The following SUGCT variants were observed in gnomAD, a reference collection of about 807,000 sequenced individuals.
SUGCT encodes succinyl-CoA:glutarate CoA-transferase.
In SUGCT, 41 loss-of-function variants were observed where a neutral mutation model predicts 55.0. The ratio of observed to expected loss-of-function variants is 0.74; its 90% CI spans 0.58 to 0.97. The LOEUF (loss-of-function observed/expected upper bound fraction) is 0.97. SUGCT is among the 50% of genes least tolerant of loss of function. SUGCT has a pLI of 0.00. For missense variants in SUGCT, 568 were observed against 547.8 expected, an observed-to-expected ratio of 1.04 and a Z score of -0.37; for synonymous variants, 187 against 200.4, an observed-to-expected ratio of 0.93 and a Z score of 0.56.
At chr7:40,886,890 A>G in the SUGCT span, among the ~76,000 whole-genome samples, 1 of 152,238 alleles carries the variant, frequency 6.6e-6, no homozygotes, top group South Asian at 2.1e-4. Context: ...GGGTACTGCC[A>G]GGGAAAATAA....
At chr7:40,558,456 G>A (rs561356510) in intron 12 of SUGCT, among the ~76,000 whole-genome samples, 3 of 152,214 alleles carry the variant, frequency 2.0e-5, no homozygotes, top group African/African-American at 7.2e-5. Flanking sequence ...GATATATTTT[G>A]CAGTGTATGG....
chr7:40,251,057 C>T (rs951362941), intron 7 of SUGCT, among the ~76,000 whole-genome samples: 5 of 152,002 alleles, frequency 3.3e-5, no homozygotes, highest in Non-Finnish European at 5.9e-5. Context: ...TCTCGAACCC[C>T]TGACCTTGTG....
chr7:40,338,237 T>G (rs1264699922), intron 9 of SUGCT, among the ~76,000 whole-genome samples: 1 of 152,132 alleles, frequency 6.6e-6, no homozygotes, highest in Non-Finnish European at 1.5e-5. Flanking sequence ...TTGGAGTGCT[T>G]TTCTCGAGGA....
At chr7:40,233,106 T>G (rs1451803534) in intron 6 of SUGCT, among the ~76,000 whole-genome samples, 1 of 152,108 alleles carries the variant, frequency 6.6e-6, no homozygotes, top group Non-Finnish European at 1.5e-5. Context: ...TATTTATTTA[T>G]TCTCATAAAA....
At chr7:40,613,332 G>T (rs1326730281) in intron 12 of SUGCT, among the ~76,000 whole-genome samples, 1 of 152,124 alleles carries the variant, frequency 6.6e-6, no homozygotes, top group African/African-American at 2.4e-5. Context: ...CTAATGATCT[G>T]CATGGCCACA....
At chr7:40,613,188 T>C (rs1336431356) in intron 12 of SUGCT, among the ~76,000 whole-genome samples, 1 of 152,120 alleles carries the variant, frequency 6.6e-6, no homozygotes, top group Non-Finnish European at 1.5e-5. Flanking sequence ...AGACTCCCCC[T>C]GAGAGTCTGT....
Position 40,759,038 on chromosome 7 carries a change from G to A in SUGCT, c.1153+9541G>A, listed in dbSNP as rs141192450. 2.8e-3 allele frequency among the ~76,000 whole-genome samples: 425 copies of A among 152,226 alleles called. 2 individuals carry two copies. Among genetic ancestry groups the A allele is most frequent in the African/African-American group, 9.6e-3 (399 of 41,536 alleles). ...GCAGGACATTTTGGGCATTTGAGGC[G>A]TGGATGTGGTCAAATAAAAGTACCA... On this transcript the variant is annotated intron_variant, in intron 13 of 13. Transcript: ENST00000335693.
At chr7:40,564,632 A>G (rs1340036864) in intron 12 of SUGCT, among the ~76,000 whole-genome samples, 1 of 152,186 alleles carries the variant, frequency 6.6e-6, no homozygotes, top group Non-Finnish European at 1.5e-5. Flanking sequence ...TCACCATTTA[A>G]TATCTTGACA....
At chr7:40,448,093 C>T (rs571908905) in intron 9 of SUGCT, among the ~76,000 whole-genome samples, 156 of 152,166 alleles carry the variant, frequency 1.0e-3, no homozygotes, top group Middle Eastern at 3.4e-3. Flanking sequence ...CACATGAGGT[C>T]CAGAGAGATA....
intron 8 of SUGCT, among the ~76,000 whole-genome samples, chr7:40,277,268 T>C (rs4527776): frequency 0.99 from 151,477 of 152,270 alleles, 75,346 homozygotes; most frequent in East Asian, 1. Context: ...CTGCAACTTC[T>C]GACTCCTAGG....
chr7:40,538,710 T>G (rs769083870), intron 12 of SUGCT: 10 of 152,202 alleles, frequency 6.6e-5, no homozygotes, highest in Non-Finnish European at 1.0e-4. Flanking sequence ...AAAGAAATGT[T>G]TCTGAACAAA....
intron 12 of SUGCT, among the ~76,000 whole-genome samples, chr7:40,686,427 G>C (rs1784469149): frequency 6.6e-6 from 1 of 152,158 alleles, no homozygotes; most frequent in African/African-American, 2.4e-5. Flanking sequence ...TATATATAAA[G>C]AAGTTAATTT....
chr7:40,780,542 C>T (rs1399349840), intron 13 of SUGCT, among the ~76,000 whole-genome samples: 1 of 152,186 alleles, frequency 6.6e-6, no homozygotes, highest in Non-Finnish European at 1.5e-5. Flanking sequence ...GCTAGGGCCA[C>T]ATAACCCAGT....
intron 12 of SUGCT, among the ~76,000 whole-genome samples, chr7:40,691,238 C>T (rs1010419932): frequency 6.6e-6 from 1 of 152,130 alleles, no homozygotes; most frequent in African/African-American, 2.4e-5. Flanking sequence ...TCAATATTTT[C>T]TCTTACGAAC....
intron 9 of SUGCT, among the ~76,000 whole-genome samples, chr7:40,401,213 T>G (rs1220168221): frequency 1.3e-5 from 2 of 152,204 alleles, no homozygotes; most frequent in Non-Finnish European, 2.9e-5. Flanking sequence ...TTACTGTCAT[T>G]ACAAGCTGAC....
At chr7:40,375,734 T>TA (rs1415820174) in intron 9 of SUGCT, among the ~76,000 whole-genome samples, 3 of 152,200 alleles carry the variant, frequency 2.0e-5, no homozygotes, top group African/African-American at 7.2e-5. Context: ...TTAAATAAAT[T>TA]ATAGACATAT....
chr7:40,294,392 C>G (rs1467215515), intron 8 of SUGCT, among the ~76,000 whole-genome samples: 1 of 152,144 alleles, frequency 6.6e-6, no homozygotes, highest in Non-Finnish European at 1.5e-5. Context: ...CATCTGAAGC[C>G]CTTGTCCTGA....
intron 8 of SUGCT, among the ~76,000 whole-genome samples, chr7:40,297,606 T>C (rs1323694551): frequency 6.6e-6 from 1 of 152,154 alleles, no homozygotes; most frequent in African/African-American, 2.4e-5. Context: ...GTAACTGACG[T>C]CCAGACCTTT....
intron 12 of SUGCT, among the ~76,000 whole-genome samples, chr7:40,746,609 T>C (rs1017097082): frequency 1.8e-4 from 27 of 152,230 alleles, no homozygotes; most frequent in African/African-American, 5.5e-4. Flanking sequence ...AGTGTCATAC[T>C]GAAAATATCC....
Sources: allele counts gnomAD v4.1 joint callset (sites outside exome capture counted in the v4.1 genomes callset), GRCh38; gene constraint gnomAD v4.1.1; transcripts MANE v1.5; gene names NCBI Gene and HGNC (gene_info 2026-07-23, HGNC 2026-07-21).